LAMC3: variants seen among roughly 807,000 people sequenced by gnomAD.
The protein encoded by LAMC3 is laminin subunit gamma 3, also known as laminin subunit gamma-3.
In LAMC3, 128 loss-of-function variants were observed where a neutral mutation model predicts 173.8. The observed-to-expected ratio is 0.74, with a 90% CI of 0.64 to 0.85. LAMC3 has a LOEUF of 0.85. LAMC3 is among the 40% of genes least tolerant of loss of function. The probability of loss-of-function intolerance (pLI) is 0.00; values close to 1 mark genes in which losing one functional copy is unlikely to be tolerated. For missense variants in LAMC3, 2,022 were observed against 2,156.0 expected (o/e 0.94, Z 1.23); for synonymous variants, 897 against 909.1 (o/e 0.99, Z 0.24).
At chr9:131,041,399 C>T (rs568224933) in intron 6 of LAMC3, among the ~76,000 whole-genome samples, 3 of 137,712 alleles carry the variant, frequency 2.2e-5, no homozygotes, top group Non-Finnish European at 4.7e-5. Flanking sequence ...TGAGTGAGTG[C>T]GTGGATGACA....
At chr9:131,036,965 C>G (rs1833957535) in intron 4 of LAMC3, among the ~76,000 whole-genome samples, 1 of 152,238 alleles carries the variant, frequency 6.6e-6, no homozygotes, top group Admixed American at 6.5e-5. Context: ...GGTGCTGGTG[C>G]TGCTGGCAGG....
In LAMC3 at chr9:131,038,908, G is replaced by T; in HGVS notation, c.1021G>T (p.Glu341Ter). ...GRSEECTFDR[E>*]LFRSTGHGGR... Reference sequence around the variant, plus strand: ...CTCCGAGGAATGCACGTTTGATCGGGAGCTCTTCCGCAGCACAGGCCACGG... The same window carrying T: ...CTCCGAGGAATGCACGTTTGATCGGTAGCTCTTCCGCAGCACAGGCCACGG... The change falls in exon 5 of 28, where the codon GAG becomes TAG. Residue 341 changes from glutamate to a stop codon, truncating the protein, a stop_gained. Coordinates refer to ENST00000361069, the MANE Select transcript of LAMC3 (RefSeq NM_006059.4). LOFTEE classifies it high-confidence loss of function. 1 of 1,613,338 alleles carries T rather than the reference G, an allele frequency of 6.2e-7. No homozygotes were observed.
intron 1 of LAMC3, among the ~76,000 whole-genome samples, chr9:131,010,527 G>A (rs1341272832): frequency 6.6e-6 from 1 of 152,208 alleles, no homozygotes; most frequent in Non-Finnish European, 1.5e-5. Flanking sequence ...GACACACCAA[G>A]GACTGAATTG....
chr9:131,036,257 T>C lies in LAMC3; in HGVS notation c.901T>C (p.Cys301Arg). The C allele has an allele frequency of 3.7e-6, 6 of 1,613,134 alleles. No individual in the cohort carries two copies. The highest frequency in any genetic ancestry group is 5.1e-6 in the Non-Finnish European group (6 of 1,179,828). Residue 301 changes from cysteine (C) to arginine (R), a missense_variant, in exon 4 of 28, where the codon TGT (cysteine) becomes CGT (arginine). By Grantham distance (180) the Cys-to-Arg change is radical (BLOSUM62 -3). Coordinates refer to ENST00000361069, the MANE Select transcript of LAMC3 (RefSeq NM_006059.4). Reference protein sequence around the residue: ...RCQHNTTGTDCERCLPFFQDR... With the variant: ...RCQHNTTGTDRERCLPFFQDR... Reference sequence around the variant, plus strand: ...CCAGCACAACACCACCGGCACAGACTGTGAGCGCTGCCTGCCCTTCTTCCA... The same window carrying C: ...CCAGCACAACACCACCGGCACAGACCGTGAGCGCTGCCTGCCCTTCTTCCA...
chr9:131,032,956 C>T (rs62580145), intron 3 of LAMC3, among the ~76,000 whole-genome samples: 33 of 152,240 alleles, frequency 2.2e-4, no homozygotes, highest in Non-Finnish European at 4.0e-4. Context: ...GCATGAGCCA[C>T]GGCCCCCTTC....
intron 25 of LAMC3, 177 bp downstream of exon 25, chr9:131,085,900 G>A: frequency 2.9e-6 from 2 of 695,324 alleles, no homozygotes; most frequent in Non-Finnish European, 5.3e-6. Context: ...CACGAAATAG[G>A]TGTCATTGCT....
Position 131,026,634 on chromosome 9 carries a change from T to C in LAMC3, c.678+45T>C. 1 of 1,515,578 alleles carries C rather than the reference T, an allele frequency of 6.6e-7. No homozygotes were observed. The highest frequency in any genetic ancestry group is 8.8e-7 in the Non-Finnish European group (1 of 1,132,116). 93.9% of individuals were successfully genotyped at this position (1,515,578 alleles called of 1,614,324 possible). A position where few individuals can be genotyped will look rare whatever the true frequency, so the allele number is the denominator to read the frequency against. On this transcript the variant is annotated intron_variant, in intron 2 of 27. Transcript: ENST00000361069. This position sits in a 1 kb window ranked among gnomAD's most constrained non-coding sequence, Gnocchi z 4.8. ...TCGGAGGTTGGGACGGGGTTGGGAC[T>C]GGGTCACGGCAGTAGGAGGGTCTGA...
chr9:131,041,366 CAA>C (rs10526087), intron 6 of LAMC3, among the ~76,000 whole-genome samples: 5 of 114,562 alleles, frequency 4.4e-5, no homozygotes, highest in Admixed American at 3.6e-4. Context: ...GACTCTGTCC[CAA>C]AAAAAAAGAT....
At chr9:131,027,976 G>C (rs894268703) in intron 2 of LAMC3, among the ~76,000 whole-genome samples, 1 of 152,204 alleles carries the variant, frequency 6.6e-6, no homozygotes, top group Non-Finnish European at 1.5e-5. Context: ...AAGTGTGTTG[G>C]GTGGCTCTCC....
intron 1 of LAMC3, among the ~76,000 whole-genome samples, chr9:131,010,408 C>T (rs2027172): frequency 0.095 from 14,490 of 152,204 alleles, 1,286 homozygotes; most frequent in African/African-American, 0.23. Context: ...CTGAGGGGTG[C>T]CCCGTGGGGC....
At chr9:131,079,423 A>G (rs951206407) in intron 23 of LAMC3, 125 bp downstream of exon 23, 56 of 1,138,286 alleles carry the variant, frequency 4.9e-5, no homozygotes, top group African/African-American at 1.1e-4. Context: ...GGCCGGGTGT[A>G]GTGGCTCACA....
chr9:131,025,602 G>A (rs535698310), intron 1 of LAMC3, among the ~76,000 whole-genome samples: 1 of 152,210 alleles, frequency 6.6e-6, no homozygotes, highest in Admixed American at 6.5e-5. Context: ...GGCCCCGGGA[G>A]AGGGGACTTT....
In LAMC3 at chr9:131,021,493, GA is replaced by G. The variant is rs748245835; in HGVS notation, c.374-4787del. Among the ~76,000 whole-genome samples the G allele has an allele frequency of 5.6e-4, 85 of 152,170 alleles. No individual in the cohort carries two copies. In the Middle Eastern group the frequency reaches 0.01, roughly 18 times the overall value. On this transcript the variant is annotated intron_variant, in intron 1 of 27. Coordinates refer to ENST00000361069, the MANE Select transcript of LAMC3 (RefSeq NM_006059.4). ...TAATACATATATATAACTGTGTAGG[GA>G]AAAACTCCTCAAACTGTGTTTTTCC... is the stretch of plus-strand genomic sequence containing the variant.
chr9:131,012,446 G>A (rs1226214084), intron 1 of LAMC3, among the ~76,000 whole-genome samples: 1 of 152,232 alleles, frequency 6.6e-6, no homozygotes, highest in Non-Finnish European at 1.5e-5. Flanking sequence ...GACCAGCGTG[G>A]CTGCTGAGAC....
chr9:131,044,882 T>G (rs1469246789), intron 7 of LAMC3, among the ~76,000 whole-genome samples: 1 of 152,178 alleles, frequency 6.6e-6, no homozygotes, highest in Non-Finnish European at 1.5e-5. Context: ...GTGTCCTGGA[T>G]GGGATCCTGC....
intron 1 of LAMC3, among the ~76,000 whole-genome samples, chr9:131,012,064 C>A (rs62580140): frequency 9.2e-6 from 1 of 109,248 alleles, no homozygotes. Flanking sequence ...CACACACATA[C>A]ACACACACAC....
intron 1 of LAMC3, among the ~76,000 whole-genome samples, chr9:131,019,792 G>T (rs539763107): frequency 1.3e-5 from 2 of 152,196 alleles, no homozygotes; most frequent in South Asian, 4.1e-4. Flanking sequence ...TGAAGGGGGT[G>T]CTGGTGCCCA....
chr9:131,073,467 G>C (rs1830072071), intron 20 of LAMC3, 146 bp downstream of exon 20: 3 of 709,508 alleles, frequency 4.2e-6, no homozygotes, highest in Admixed American at 2.0e-5. Flanking sequence ...CCAGCATGGG[G>C]AGGGGCAGGC....
chr9:131,024,881 G>T (rs1833690460), intron 1 of LAMC3, among the ~76,000 whole-genome samples: 1 of 152,134 alleles, frequency 6.6e-6, no homozygotes, highest in African/African-American at 2.4e-5. Flanking sequence ...GAGTCACATT[G>T]CAGGAGGCCC....
Sources: gnomAD v4.1 joint callset for allele counts (sites outside exome capture counted in the v4.1 genomes callset) on GRCh38, gnomAD v4.1.1 for gene constraint, Gnocchi (gnomAD v3.1) non-coding constraint, MANE v1.5 for transcripts, NCBI Gene and HGNC (gene_info 2026-07-23, HGNC 2026-07-21) for gene names.